The following TAX1BP1 variants were observed in gnomAD, a reference collection of about 807,000 sequenced individuals.
TAX1BP1 encodes Tax1 binding protein 1, also known as tax1-binding protein 1.
Under a neutral mutation model 97.7 loss-of-function variants are expected in TAX1BP1, and 62 were observed. The ratio of observed to expected loss-of-function variants is 0.63; its 90% CI spans 0.52 to 0.78. TAX1BP1 has a LOEUF of 0.78. Ranked by LOEUF, TAX1BP1 falls within the 30% of genes least tolerant of loss-of-function variation. The pLI, the probability that TAX1BP1 is intolerant of heterozygous loss-of-function variation, is 0.00. For synonymous variants in TAX1BP1, 340 were observed against 304.2 expected (o/e 1.12, Z -1.23); for missense variants, 867 against 916.1 (o/e 0.95, Z 0.69).
At chr7:27,806,890 A>G (rs1169046150) in intron 13 of TAX1BP1, among the ~76,000 whole-genome samples, 1 of 152,174 alleles carries the variant, frequency 6.6e-6, no homozygotes, top group Non-Finnish European at 1.5e-5. Context: ...AAGAACAGGC[A>G]ATATGGGATG....
intron 8 of TAX1BP1, among the ~76,000 whole-genome samples, chr7:27,790,794 A>G (rs1789676484): frequency 6.6e-6 from 1 of 152,120 alleles, no homozygotes; most frequent in Non-Finnish European, 1.5e-5. Context: ...TACAGTTTAT[A>G]TAAGCCCACC....
At chr7:27,777,081 A>G (rs1789062150) in intron 5 of TAX1BP1, among the ~76,000 whole-genome samples, 1 of 152,036 alleles carries the variant, frequency 6.6e-6, no homozygotes, top group African/African-American at 2.4e-5. Flanking sequence ...CACATGTTTA[A>G]ATGTCCGTTC....
chr7:27,799,854 C>T (rs1790066385), intron 12 of TAX1BP1, 111 bp from the exon 13 acceptor site: 2 of 703,174 alleles, frequency 2.8e-6, no homozygotes, highest in South Asian at 4.4e-5. Flanking sequence ...AATTTTTATG[C>T]TGTTACAACA....
chr7:27,757,418 T>C (rs1241501709), intron 2 of TAX1BP1, among the ~76,000 whole-genome samples: 1 of 152,044 alleles, frequency 6.6e-6, no homozygotes, highest in Non-Finnish European at 1.5e-5. Context: ...AGGCAAGACT[T>C]GCCAAAGATG....
chr7:27,785,550 A>C, intron 7 of TAX1BP1, 61 bp downstream of exon 7: 2 of 1,382,542 alleles, frequency 1.4e-6, no homozygotes, highest in South Asian at 2.6e-5. Context: ...CCCAGAACTT[A>C]GGGGCTGTAG....
intron 5 of TAX1BP1, among the ~76,000 whole-genome samples, chr7:27,773,234 C>T (rs1788910561): frequency 6.6e-6 from 1 of 152,034 alleles, no homozygotes; most frequent in Admixed American, 6.6e-5. Flanking sequence ...CTGCTGTATA[C>T]TTCTGAGGGC....
chr7:27,768,462 A>G (rs1488574249), intron 4 of TAX1BP1, among the ~76,000 whole-genome samples: 1 of 152,048 alleles, frequency 6.6e-6, no homozygotes, highest in African/African-American at 2.4e-5. Flanking sequence ...GAGAAAGTAT[A>G]TGTGAATTAA....
intron 5 of TAX1BP1, among the ~76,000 whole-genome samples, chr7:27,777,251 A>G (rs1433357949): frequency 2.0e-5 from 3 of 152,004 alleles, no homozygotes; most frequent in Non-Finnish European, 4.4e-5. Context: ...GATATTTTTT[A>G]TATTCCTAAA....
chr7:27,778,054 T>A (rs1311165004), intron 5 of TAX1BP1, among the ~76,000 whole-genome samples: 1 of 152,202 alleles, frequency 6.6e-6, no homozygotes, highest in Non-Finnish European at 1.5e-5. Flanking sequence ...TTGAATTATC[T>A]GGTATTCTAG....
intron 13 of TAX1BP1, among the ~76,000 whole-genome samples, chr7:27,814,619 CTAAG>C (rs1486709966): frequency 8.5e-5 from 13 of 152,054 alleles, no homozygotes; most frequent in Non-Finnish European, 7.4e-5. Context: ...TGATTTTACT[CTAAG>C]TAGAATTATT....
intron 11 of TAX1BP1, among the ~76,000 whole-genome samples, chr7:27,795,345 C>T (rs1007950920): frequency 6.6e-6 from 1 of 151,782 alleles, no homozygotes; most frequent in African/African-American, 2.4e-5. Flanking sequence ...TGGTGGCATG[C>T]GCTTGTACTC....
At chr7:27,772,634 G>C (rs1788887316) in intron 5 of TAX1BP1, 1 of 151,728 alleles carries the variant, frequency 6.6e-6, no homozygotes, top group Non-Finnish European at 1.5e-5. Context: ...TCACTCTAAA[G>C]TGCTCTAATA....
intron 14 of TAX1BP1, 59 bp from the exon 15 acceptor site, chr7:27,816,831 A>G (rs1790785180): frequency 1.3e-6 from 2 of 1,588,520 alleles, no homozygotes; most frequent in African/African-American, 1.4e-5. Flanking sequence ...ATATCTGTAT[A>G]TACAGATGTT....
rs1361730789 is a variant in TAX1BP1 at position 27,744,052 on chromosome 7, G to A, written c.-8+3783G>A. Among the ~76,000 whole-genome samples the A allele has an allele frequency of 6.3e-4, 3 of 4,796 alleles. 1 individual carries two copies. Among genetic ancestry groups the A allele is most frequent in the Non-Finnish European group, 3.0e-4 (1 of 3,298 alleles). 3.1% of individuals were successfully genotyped at this position (4,796 alleles called of 152,430 possible). A position where few individuals can be genotyped will look rare whatever the true frequency, so the allele number is the denominator to read the frequency against. ...GATCTCCTGACCTCATGATCCACCCGCCTCGGCCTCCCAAAGTGCTGGGAT... is the reference window on the plus strand; with the variant it reads ...GATCTCCTGACCTCATGATCCACCCACCTCGGCCTCCCAAAGTGCTGGGAT... On this transcript the variant is annotated intron_variant, in intron 1 of 16. Coordinates refer to ENST00000396319, the MANE Select transcript of TAX1BP1 (RefSeq NM_006024.7).
At chr7:27,816,318 G>T in intron 13 of TAX1BP1, 31 bp from the exon 14 acceptor site, 1 of 1,487,374 alleles carries the variant, frequency 6.7e-7, no homozygotes, top group Non-Finnish European at 9.0e-7. Flanking sequence ...TTATTGCTTT[G>T]CTTATTCATC....
intron 5 of TAX1BP1, among the ~76,000 whole-genome samples, chr7:27,780,312 T>C (rs1789203718): frequency 1.3e-5 from 2 of 152,222 alleles, no homozygotes; most frequent in African/African-American, 4.8e-5. Flanking sequence ...TAGAAAACTT[T>C]TGTTTAAAGA....
intron 5 of TAX1BP1, among the ~76,000 whole-genome samples, chr7:27,784,063 A>G (rs1313021596): frequency 2.6e-5 from 4 of 152,142 alleles, no homozygotes; most frequent in Admixed American, 1.3e-4. Flanking sequence ...TTCTAGCAAG[A>G]TATTTAAAAT....
intron 13 of TAX1BP1, among the ~76,000 whole-genome samples, chr7:27,801,212 T>G (rs1790126631): frequency 6.7e-6 from 1 of 150,280 alleles, no homozygotes; most frequent in Non-Finnish European, 1.5e-5. Context: ...ATTTAATATA[T>G]TTTAAGAAAT....
intron 13 of TAX1BP1, among the ~76,000 whole-genome samples, chr7:27,808,805 T>C (rs1000780336): frequency 2.0e-5 from 3 of 152,206 alleles, no homozygotes; most frequent in African/African-American, 7.2e-5. Flanking sequence ...TCTTAAATTG[T>C]GGTGGCTATT....
Sources: allele counts gnomAD v4.1 joint callset (sites outside exome capture counted in the v4.1 genomes callset), GRCh38; gene constraint gnomAD v4.1.1; transcripts MANE v1.5; gene names NCBI Gene and HGNC (gene_info 2026-07-23, HGNC 2026-07-21).